The following STK32B variants were observed in gnomAD, a reference collection of about 807,000 sequenced individuals.
STK32B encodes serine/threonine kinase 32B.
In STK32B, 43 loss-of-function variants were observed where a neutral mutation model predicts 52.6. That is an observed-to-expected ratio of 0.82 (90% CI 0.64 to 1.05). The LOEUF is 1.05. Among genes scored for constraint, STK32B ranks in the 50% least tolerant of loss-of-function variants. The pLI is 0.00. For missense variants in STK32B, 621 were observed against 534.6 expected, an observed-to-expected ratio of 1.16 and a Z score of -1.59; for synonymous variants, 238 against 204.3, an observed-to-expected ratio of 1.17 and a Z score of -1.41.
At chr4:5,374,493 A>T (rs989566270) in intron 4 of STK32B, among the ~76,000 whole-genome samples, 11 of 152,342 alleles carry the variant, frequency 7.2e-5, no homozygotes, top group African/African-American at 2.4e-4. Flanking sequence ...ACAATACCTT[A>T]GACTGGTTCA....
the STK32B span, chr4:5,019,422 G>A: frequency 0.14 from 212,125 of 1,477,956 alleles, 16,034 homozygotes; most frequent in Middle Eastern, 0.2. Flanking sequence ...GCAGCAGCAC[G>A]GGCAGAGGCC....
At position 5,460,289 on chromosome 4, in the gene STK32B, A is replaced by G. The variant is rs1362006280; in HGVS notation, c.909+61A>G. On this transcript the variant is annotated intron_variant, in intron 9 of 11. Coordinates refer to ENST00000282908, the MANE Select transcript of STK32B (RefSeq NM_018401.3). This position sits in a 1 kb window ranked among gnomAD's most constrained non-coding sequence, Gnocchi z 4.8. ...TCTGCAGGGTCCCCGCCTTGGTGCA[A>G]AGCAAGACTTTGGCAGCTGGCTAGT... 3 of 1,548,748 alleles carry G rather than the reference A, an allele frequency of 1.9e-6. No homozygotes were observed. Among genetic ancestry groups the G allele is most frequent in the Non-Finnish European group, 2.6e-6 (3 of 1,148,110 alleles).
intron 3 of STK32B, among the ~76,000 whole-genome samples, chr4:5,278,204 T>G (rs1727961591): frequency 6.6e-6 from 1 of 152,048 alleles, no homozygotes; most frequent in East Asian, 1.9e-4. Context: ...TGAGGAATGG[T>G]GGACAAAATA....
intron 2 of STK32B, among the ~76,000 whole-genome samples, chr4:5,157,299 T>TAAA (rs59362249): frequency 2.0e-5 from 2 of 101,552 alleles, no homozygotes; most frequent in African/African-American, 3.6e-5. Flanking sequence ...TGTGAGGATG[T>TAAA]AAAAAAAAAA....
intron 2 of STK32B, among the ~76,000 whole-genome samples, chr4:5,155,865 A>T (rs1016527287): frequency 6.6e-6 from 1 of 152,168 alleles, no homozygotes; most frequent in African/African-American, 2.4e-5. Flanking sequence ...TAGTATCTTT[A>T]TAGCAGTGTG....
At chr4:5,440,334 G>A (rs1714602240) in intron 6 of STK32B, among the ~76,000 whole-genome samples, 1 of 152,104 alleles carries the variant, frequency 6.6e-6, no homozygotes, top group Admixed American at 6.5e-5. Context: ...CTTGTAAGTT[G>A]GATTCCTAGG....
In STK32B at chr4:5,456,994, C is replaced by T. The variant is rs2109142403; in HGVS notation, c.783+71C>T. 11 of 1,133,848 alleles carry T rather than the reference C, an allele frequency of 9.7e-6. 1 individual carries two copies. Among genetic ancestry groups the T allele is most frequent in the Admixed American group, 2.9e-5 (1 of 34,514 alleles). 70.2% of individuals were successfully genotyped at this position (1,133,848 alleles called of 1,614,324 possible). ...GTGTAGAAACAGCCATATCAGCAAA[C>T]GAAGGGGTGAGAATACAAATGGCAT... On this transcript the variant is annotated intron_variant, in intron 8 of 11. Transcript: ENST00000282908.
intron 3 of STK32B, among the ~76,000 whole-genome samples, chr4:5,205,050 G>T (rs145690369): frequency 6.6e-6 from 1 of 152,310 alleles, no homozygotes; most frequent in African/African-American, 2.4e-5. Flanking sequence ...TCCCTGGAGG[G>T]CCCGAGTGGA....
chr4:5,187,767 C>T (rs928636968), intron 3 of STK32B, among the ~76,000 whole-genome samples: 8 of 152,238 alleles, frequency 5.3e-5, no homozygotes, highest in Non-Finnish European at 8.8e-5. Context: ...TAGTATAAGC[C>T]GGCTCCCGCA....
the STK32B span, among the ~76,000 whole-genome samples, chr4:5,036,183 A>G: frequency 4.6e-5 from 7 of 152,344 alleles, no homozygotes; most frequent in East Asian, 1.9e-4. Context: ...TTGTGTAAAG[A>G]GAGAATAATA....
intron 11 of STK32B, among the ~76,000 whole-genome samples, chr4:5,495,983 C>G (rs998339586): frequency 6.6e-6 from 1 of 151,298 alleles, no homozygotes; most frequent in African/African-American, 2.5e-5. Context: ...TCAGTCTGCC[C>G]CTACTGGGGG....
intron 1 of STK32B, among the ~76,000 whole-genome samples, chr4:5,053,388 T>C (rs192651150): frequency 1.2e-4 from 18 of 152,268 alleles, no homozygotes; most frequent in Admixed American, 9.8e-4. Flanking sequence ...CTCTTGCATG[T>C]CCCAGTAAGA....
intron 2 of STK32B, among the ~76,000 whole-genome samples, chr4:5,166,269 G>C (rs770664365): frequency 9.2e-5 from 14 of 151,866 alleles, no homozygotes; most frequent in Non-Finnish European, 5.9e-5. Flanking sequence ...TGGGGAGGCA[G>C]AGAGCCTGGG....
rs1385830283 is a variant in STK32B at position 5,169,691 on chromosome 4, TTTGA to T, written c.260+1245_260+1248del. On this transcript the variant is annotated intron_variant, in intron 3 of 11. Transcript: ENST00000282908. Reference sequence around the variant, plus strand: ...TGTCTCTGTGCAGTGATCTAAAAACTTTGATTGTTTGGGAGAAATAAACCCCGTC... The same window carrying T: ...TGTCTCTGTGCAGTGATCTAAAAACTTTGTTTGGGAGAAATAAACCCCGTC... Among the ~76,000 whole-genome samples the T allele has an allele frequency of 2.6e-5, 4 of 152,042 alleles. No homozygotes were observed. The South Asian group carries it at 8.3e-4, about 32-fold the overall frequency.
At chr4:5,155,598 G>C (rs1717761751) in intron 2 of STK32B, among the ~76,000 whole-genome samples, 1 of 152,142 alleles carries the variant, frequency 6.6e-6, no homozygotes, top group Non-Finnish European at 1.5e-5. Flanking sequence ...TACCTGTCAA[G>C]GGAGGGGCCT....
intron 3 of STK32B, among the ~76,000 whole-genome samples, chr4:5,184,070 T>C (rs1436943751): frequency 6.6e-6 from 1 of 152,250 alleles, no homozygotes; most frequent in Non-Finnish European, 1.5e-5. Context: ...TCAGTAACTT[T>C]TTCTCTGCAT....
chr4:5,422,452 C>CG (rs1170370396), intron 6 of STK32B, among the ~76,000 whole-genome samples: 15 of 151,836 alleles, frequency 9.9e-5, no homozygotes, highest in African/African-American at 3.6e-4. Context: ...AAGATGATCC[C>CG]GGAAGAAAAA....
At chr4:5,344,269 A>T (rs1577374604) in intron 4 of STK32B, among the ~76,000 whole-genome samples, 1 of 152,230 alleles carries the variant, frequency 6.6e-6, no homozygotes, top group East Asian at 1.9e-4. Flanking sequence ...GTACATTTTC[A>T]GGCTTTTTTG....
intron 2 of STK32B, among the ~76,000 whole-genome samples, chr4:5,155,767 A>G (rs1717776841): frequency 6.6e-6 from 1 of 152,102 alleles, no homozygotes. Context: ...ATCTTTCGCC[A>G]TGATTGTAAG....
Sources: allele counts gnomAD v4.1 joint callset (sites outside exome capture counted in the v4.1 genomes callset), GRCh38; gene constraint gnomAD v4.1.1; non-coding constraint Gnocchi (gnomAD v3.1); transcripts MANE v1.5; gene names NCBI Gene and HGNC (gene_info 2026-07-23, HGNC 2026-07-21).